Variants in GOLM2 observed in about 807,000 individuals in gnomAD.
The protein encoded by GOLM2 is golgi membrane protein 2.
A neutral mutation model predicts 55.9 loss-of-function variants in GOLM2; 26 were observed. The ratio of observed to expected loss-of-function variants is 0.47; its 90% CI spans 0.34 to 0.65. The LOEUF is 0.65. GOLM2 is among the 30% of genes least tolerant of loss of function. GOLM2 has a pLI of 0.01. For missense variants in GOLM2, 486 were observed against 531.8 expected (o/e 0.91, Z 0.85); for synonymous variants, 165 against 194.6 (o/e 0.85, Z 1.27).
intron 9 of GOLM2, among the ~76,000 whole-genome samples, chr15:44,405,719 C>T (rs2079592937): frequency 6.6e-6 from 1 of 152,000 alleles, no homozygotes; most frequent in Admixed American, 6.6e-5. Context: ...TTCCTAGGTT[C>T]AAGCGATTCT....
chr15:44,401,216 A>T (rs2079563090), intron 8 of GOLM2, among the ~76,000 whole-genome samples: 1 of 151,546 alleles, frequency 6.6e-6, no homozygotes, highest in African/African-American at 2.4e-5. Flanking sequence ...ACCTCAAATG[A>T]TCCTCCTGCA....
Position 44,288,821 on chromosome 15 carries a change from G to C in GOLM2, c.-209G>C. ...GGGTCGGGTTCAAAGCCTCCGGAAC[G>C]CGTTTTGGCCTGATTTGAGGAGGGG... On this transcript the variant is annotated 5_prime_UTR_variant, in exon 1 of 10. Coordinates refer to ENST00000299957, the MANE Select transcript of GOLM2 (RefSeq NM_138423.4). 1.7e-6 allele frequency: 1 copy of C among 574,500 alleles called. No homozygotes were observed. Among genetic ancestry groups the C allele is most frequent in the Non-Finnish European group, 3.1e-6 (1 of 327,220 alleles). 35.6% of individuals were successfully genotyped at this position (574,500 alleles called of 1,614,324 possible). A position where few individuals can be genotyped will look rare whatever the true frequency, so the allele number is the denominator to read the frequency against.
intron 9 of GOLM2, among the ~76,000 whole-genome samples, chr15:44,404,327 A>C (rs1031398753): frequency 1.3e-5 from 2 of 152,178 alleles, no homozygotes; most frequent in Non-Finnish European, 2.9e-5. Flanking sequence ...GGTTTGTAGA[A>C]AAAAGGGAAA....
intron 4 of GOLM2, 51 bp downstream of exon 4, chr15:44,332,129 G>A: frequency 1.1e-6 from 1 of 918,142 alleles, no homozygotes; most frequent in Non-Finnish European, 1.6e-6. Flanking sequence ...ATAAATCATG[G>A]TAATTTAGAA....
chr15:44,343,651 C>T (rs2141151798), intron 6 of GOLM2, among the ~76,000 whole-genome samples: 1 of 151,224 alleles, frequency 6.6e-6, no homozygotes, highest in East Asian at 2.0e-4. Context: ...CATGGTGAAA[C>T]CCCGTCTGTA....
chr15:44,392,537 C>T (rs1011932364), intron 8 of GOLM2, among the ~76,000 whole-genome samples: 6 of 151,636 alleles, frequency 4.0e-5, no homozygotes, highest in East Asian at 2.0e-4. Flanking sequence ...GCTGGAGAAT[C>T]GCTTGAACCC....
chr15:44,357,182 AAAAAAG>A (rs1415172427), intron 6 of GOLM2, among the ~76,000 whole-genome samples: 1 of 152,090 alleles, frequency 6.6e-6, no homozygotes, highest in Non-Finnish European at 1.5e-5. Flanking sequence ...CGCCCCCCAA[AAAAAAG>A]AAAAAGAAAA....
chr15:44,374,116 A>T (rs1003479576), intron 6 of GOLM2, among the ~76,000 whole-genome samples: 4 of 152,028 alleles, frequency 2.6e-5, no homozygotes, highest in African/African-American at 4.8e-5. Context: ...TAAATAAATA[A>T]ATATATAAAT....
chr15:44,292,223 A>C (rs2141102582), intron 1 of GOLM2, among the ~76,000 whole-genome samples: 1 of 146,252 alleles, frequency 6.8e-6, no homozygotes, highest in Admixed American at 6.8e-5. Flanking sequence ...TTTTAGACAG[A>C]GTCTCGCTCG....
intron 1 of GOLM2, among the ~76,000 whole-genome samples, chr15:44,317,832 A>G (rs1031924995): frequency 1.3e-5 from 2 of 152,206 alleles, no homozygotes; most frequent in Admixed American, 6.5e-5. Context: ...CCTATTACAG[A>G]AAATTATATT....
In GOLM2 at chr15:44,388,077, TC is replaced by T. The variant is rs1465394646; in HGVS notation, c.1072+7104del. ...TCTGCCTCCTGGGTTCAAGTGATTC[TC>T]CCACCTGGCCAATATGGTAAAACCC... On this transcript the variant is annotated intron_variant, in intron 8 of 9. Coordinates refer to ENST00000299957, the MANE Select transcript of GOLM2 (RefSeq NM_138423.4). Among the ~76,000 whole-genome samples the T allele has an allele frequency of 2.0e-5, 3 of 151,042 alleles. No individual in the cohort carries two copies. The East Asian group carries it at 6.0e-4, about 30-fold the overall frequency.
intron 1 of GOLM2, among the ~76,000 whole-genome samples, chr15:44,320,540 A>G (rs1313039347): frequency 4.6e-5 from 7 of 152,100 alleles, no homozygotes; most frequent in Non-Finnish European, 8.8e-5. Flanking sequence ...GCTGGCCTCA[A>G]GTGATCCTCT....
chr15:44,297,801 CT>C (rs2078767668), intron 1 of GOLM2, among the ~76,000 whole-genome samples: 1 of 150,084 alleles, frequency 6.7e-6, no homozygotes, highest in Non-Finnish European at 1.5e-5. Context: ...ATCTCCTGAC[CT>C]CATGATCCAC....
At chr15:44,293,210 C>T (rs920148580) in intron 1 of GOLM2, among the ~76,000 whole-genome samples, 3 of 152,168 alleles carry the variant, frequency 2.0e-5, no homozygotes, top group Admixed American at 1.3e-4. Context: ...GTGTGAGCTA[C>T]CATACCTGGC....
At chr15:44,313,693 CTAAA>C (rs1198389750) in intron 1 of GOLM2, among the ~76,000 whole-genome samples, 2 of 152,160 alleles carry the variant, frequency 1.3e-5, no homozygotes, top group Non-Finnish European at 2.9e-5. Flanking sequence ...GGCTGACTGA[CTAAA>C]TAAGTAAACT....
rs564932538 is a variant in GOLM2, at chr15:44,361,005, C to T, written c.803-18685C>T. 3.3e-5 allele frequency among the ~76,000 whole-genome samples: 5 copies of T among 150,718 alleles called. No homozygotes were observed. The East Asian group carries it at 5.8e-4, about 18-fold the overall frequency. On this transcript the variant is annotated intron_variant, in intron 6 of 9. Transcript: ENST00000299957. Reference sequence around the variant, plus strand: ...AAATAAAGATGTTCTTTGAAACCAACGAGAACAAAGACACAACATACCAGA... The same window carrying T: ...AAATAAAGATGTTCTTTGAAACCAATGAGAACAAAGACACAACATACCAGA...
chr15:44,378,997 A>T (rs777523349), intron 6 of GOLM2, among the ~76,000 whole-genome samples: 84 of 152,036 alleles, frequency 5.5e-4, no homozygotes, highest in Admixed American at 1.4e-3. Context: ...TGCCCACCTC[A>T]ACTTCCCAAA....
chr15:44,314,176 G>A (rs1445071689), intron 1 of GOLM2, among the ~76,000 whole-genome samples: 2 of 151,682 alleles, frequency 1.3e-5, no homozygotes, highest in Non-Finnish European at 2.9e-5. Flanking sequence ...GGCGGAGCTT[G>A]CAGTGAGCTG....
At chr15:44,400,575 T>C (rs905029804) in intron 8 of GOLM2, among the ~76,000 whole-genome samples, 2 of 85,560 alleles carry the variant, frequency 2.3e-5, no homozygotes, top group African/African-American at 6.1e-5. Context: ...CCTTGCCGCC[T>C]TTTTTTTTTT....
Sources: allele counts gnomAD v4.1 joint callset (sites outside exome capture counted in the v4.1 genomes callset), GRCh38; gene constraint gnomAD v4.1.1; transcripts MANE v1.5; gene names NCBI Gene and HGNC (gene_info 2026-07-23, HGNC 2026-07-21).